Variants in PCBP3 observed in about 807,000 individuals in gnomAD.
PCBP3 encodes poly(rC)-binding protein 3.
PCBP3 carries 25 observed loss-of-function variants against 52.7 expected under a neutral mutation model. That is an observed-to-expected ratio of 0.47 (90% CI 0.35 to 0.66). PCBP3 has a LOEUF of 0.66. Among genes scored for constraint, PCBP3 ranks in the 30% least tolerant of loss-of-function variants. PCBP3 has a pLI of 0.01. For synonymous variants in PCBP3, 162 were observed against 183.0 expected (o/e 0.89, Z 0.93); for missense variants, 391 against 490.3 (o/e 0.80, Z 1.91).
rs992701316 is a variant in PCBP3, at chr21:45,741,238, G to A, written c.-162+5809G>A. 3.3e-5 allele frequency among the ~76,000 whole-genome samples: 5 copies of A among 152,208 alleles called. No homozygotes were observed. Among genetic ancestry groups the A allele is most frequent in the African/African-American group, 1.2e-4 (5 of 41,448 alleles). On this transcript the variant is annotated intron_variant, in intron 3 of 17. Coordinates refer to ENST00000681687, the MANE Select transcript of PCBP3 (RefSeq NM_001384156.1). The surrounding 1 kb of genome is among the most constrained non-coding windows in gnomAD (Gnocchi z 4.5). ...TGGGTCTGCAGTGGTCGGCCCCATGGCTAGGAGTTTGGAAAGAAATCAACC... is the reference window on the plus strand; with the variant it reads ...TGGGTCTGCAGTGGTCGGCCCCATGACTAGGAGTTTGGAAAGAAATCAACC...
chr21:45,816,007 A>G (rs1603442459), intron 4 of PCBP3, among the ~76,000 whole-genome samples: 1 of 104,858 alleles, frequency 9.5e-6, no homozygotes, highest in African/African-American at 4.0e-5. Context: ...GTGAGTGGTG[A>G]GTGAGTGGTG....
intron 4 of PCBP3, among the ~76,000 whole-genome samples, chr21:45,778,239 G>A (rs756092653): frequency 2.0e-5 from 3 of 152,160 alleles, no homozygotes; most frequent in Non-Finnish European, 2.9e-5. Flanking sequence ...AGTTAGTAGT[G>A]GAGCTGTGCT....
intron 2 of PCBP3, among the ~76,000 whole-genome samples, chr21:45,709,689 AG>A (rs1659064817): frequency 6.6e-6 from 1 of 152,212 alleles, no homozygotes; most frequent in Non-Finnish European, 1.5e-5. Context: ...TACATCAGTA[AG>A]GGACATTTGT....
intron 4 of PCBP3, among the ~76,000 whole-genome samples, chr21:45,759,571 C>T (rs2088417627): frequency 6.6e-6 from 1 of 152,028 alleles, no homozygotes; most frequent in Non-Finnish European, 1.5e-5. Flanking sequence ...TACTGTAATC[C>T]ACAGTAGACA....
intron 6 of PCBP3, among the ~76,000 whole-genome samples, chr21:45,897,509 A>T (rs193294185): frequency 6.6e-6 from 1 of 152,094 alleles, no homozygotes; most frequent in Non-Finnish European, 1.5e-5. Flanking sequence ...ATGTGTTTCT[A>T]TCCTCTGGGA....
chr21:45,833,226 G>A (rs771588529), intron 4 of PCBP3, among the ~76,000 whole-genome samples: 1 of 152,218 alleles, frequency 6.6e-6, no homozygotes, highest in Non-Finnish European at 1.5e-5. Context: ...ATGTTACATA[G>A]TAACTGTGGG....
intron 5 of PCBP3, among the ~76,000 whole-genome samples, chr21:45,887,304 C>T (rs2095546307): frequency 1.3e-5 from 2 of 152,222 alleles, no homozygotes; most frequent in African/African-American, 4.8e-5. Context: ...TGCTCCATTT[C>T]CCAGAAGCAG....
chr21:45,814,575 GTGGTGAGTGA>G (rs2147126131), intron 4 of PCBP3, among the ~76,000 whole-genome samples: 1 of 135,254 alleles, frequency 7.4e-6, no homozygotes, highest in African/African-American at 2.9e-5. Context: ...TGAGTGGTGA[GTGGTGAGTGA>G]TGAGTGGTGA....
intron 5 of PCBP3, among the ~76,000 whole-genome samples, chr21:45,887,941 T>C (rs898588490): frequency 1.3e-5 from 2 of 152,204 alleles, no homozygotes; most frequent in African/African-American, 4.8e-5. Context: ...TGGGCCGCCT[T>C]TCCCTGACCT....
At chr21:45,706,077 T>C (rs1395395563) in intron 2 of PCBP3, among the ~76,000 whole-genome samples, 1 of 152,230 alleles carries the variant, frequency 6.6e-6, no homozygotes, top group Non-Finnish European at 1.5e-5. Flanking sequence ...ATTAGCAATG[T>C]TGTGTTTTAG....
intron 5 of PCBP3, among the ~76,000 whole-genome samples, chr21:45,874,922 C>T (rs550247904): frequency 3.3e-5 from 5 of 152,286 alleles, no homozygotes; most frequent in Admixed American, 1.3e-4. Flanking sequence ...CCTAGACTCA[C>T]GAGAGAGCAT....
intron 2 of PCBP3, among the ~76,000 whole-genome samples, chr21:45,683,961 G>A (rs2082005799): frequency 6.6e-6 from 1 of 151,264 alleles, no homozygotes; most frequent in East Asian, 1.9e-4. Flanking sequence ...GTGTTGCTGG[G>A]CATGGTGGCT....
At chr21:45,809,958 C>G (rs1014548703) in intron 4 of PCBP3, among the ~76,000 whole-genome samples, 2 of 152,184 alleles carry the variant, frequency 1.3e-5, no homozygotes, top group Non-Finnish European at 2.9e-5. Context: ...GGGTTTCTAA[C>G]TAGTTGACTC....
Position 45,716,471 on chromosome 21 carries a change from G to A in PCBP3, c.-199-18921G>A, listed in dbSNP as rs1009659297. On this transcript the variant is annotated intron_variant, in intron 2 of 17. Transcript: ENST00000681687. ...CCAGAGGTCTAAAATCAAAGTGTTG[G>A]CAGCTTTGGTTTCTTCTGGGGACTC... Among the ~76,000 whole-genome samples the A allele has an allele frequency of 3.9e-5, 6 of 152,236 alleles. No individual in the cohort carries two copies. In the South Asian group the frequency reaches 1.0e-3, roughly 26 times the overall value.
chr21:45,756,668 C>T (rs570828240), intron 4 of PCBP3, among the ~76,000 whole-genome samples: 34 of 152,272 alleles, frequency 2.2e-4, no homozygotes, highest in African/African-American at 7.9e-4. Flanking sequence ...AAAACAACCC[C>T]AGGAGCAGTC....
chr21:45,814,085 G>A (rs1235437390), intron 4 of PCBP3, among the ~76,000 whole-genome samples: 2 of 152,264 alleles, frequency 1.3e-5, no homozygotes, highest in Non-Finnish European at 2.9e-5. Context: ...CTACAAAGCT[G>A]TGTAGTGCAT....
chr21:45,750,408 C>T (rs970000897), intron 3 of PCBP3: 6 of 123,220 alleles, frequency 4.9e-5, no homozygotes, highest in East Asian at 5.5e-4. Context: ...CCCCCCCCCC[C>T]CCCTTCTTCC....
intron 1 of PCBP3, among the ~76,000 whole-genome samples, chr21:45,662,327 C>T (rs950990433): frequency 8.1e-5 from 9 of 111,404 alleles, no homozygotes; most frequent in African/African-American, 2.3e-4. Context: ...CACCATATTG[C>T]TTAGGCTGGT....
At chr21:45,801,722 A>G (rs767256699) in intron 4 of PCBP3, among the ~76,000 whole-genome samples, 19 of 152,182 alleles carry the variant, frequency 1.2e-4, no homozygotes, top group Non-Finnish European at 2.5e-4. Context: ...TATTCTTTGG[A>G]AGGAATTCTG....
Sources: allele counts gnomAD v4.1 joint callset (sites outside exome capture counted in the v4.1 genomes callset), GRCh38; gene constraint gnomAD v4.1.1; non-coding constraint Gnocchi (gnomAD v3.1); transcripts MANE v1.5; gene names NCBI Gene and HGNC (gene_info 2026-07-23, HGNC 2026-07-21).